KIF6: variants seen among roughly 807,000 people sequenced by gnomAD.
KIF6 encodes kinesin family member 6, also known as kinesin-like protein KIF6.
In KIF6, 106 loss-of-function variants were observed where a neutral mutation model predicts 112.7. That is an observed-to-expected ratio of 0.94 (90% CI 0.80 to 1.11). The LOEUF is 1.11. Among genes scored for constraint, KIF6 ranks in the 50% least tolerant of loss-of-function variants. The pLI is 0.00. For synonymous variants in KIF6, 339 were observed against 339.9 expected, an observed-to-expected ratio of 1.00 and a Z score of 0.03; for missense variants, 929 against 964.0, an observed-to-expected ratio of 0.96 and a Z score of 0.48.
At chr6:39,514,769 T>A (rs1220026047) in intron 13 of KIF6, among the ~76,000 whole-genome samples, 1 of 112,506 alleles carries the variant, frequency 8.9e-6, no homozygotes, top group Admixed American at 9.0e-5. Context: ...ACTCAAGGCT[T>A]TTTTTCCCCC....
chr6:39,681,792 G>A (rs936957875), intron 3 of KIF6, among the ~76,000 whole-genome samples: 1 of 152,100 alleles, frequency 6.6e-6, no homozygotes, highest in African/African-American at 2.4e-5. Flanking sequence ...GACAAATTCC[G>A]CTATAACAAA....
chr6:39,608,681 C>G (rs951555655), intron 6 of KIF6, among the ~76,000 whole-genome samples: 1 of 152,124 alleles, frequency 6.6e-6, no homozygotes, highest in Admixed American at 6.6e-5. Context: ...GGAAAGTAAC[C>G]TCTTTCAAAA....
At chr6:39,375,306 G>A (rs1180651107) in intron 16 of KIF6, among the ~76,000 whole-genome samples, 24 of 152,138 alleles carry the variant, frequency 1.6e-4, no homozygotes, top group Admixed American at 1.6e-3. Flanking sequence ...AACACAAGGA[G>A]TAATAATGGA....
intron 10 of KIF6, among the ~76,000 whole-genome samples, chr6:39,563,855 C>T (rs1780144553): frequency 6.6e-6 from 1 of 152,228 alleles, no homozygotes; most frequent in Non-Finnish European, 1.5e-5. Context: ...CTCAGGGTCT[C>T]ATCGCCTTTT....
At chr6:39,649,937 A>G (rs552891029) in intron 3 of KIF6, among the ~76,000 whole-genome samples, 2 of 152,270 alleles carry the variant, frequency 1.3e-5, no homozygotes, top group South Asian at 4.1e-4. Context: ...TTCTTCTAAA[A>G]CAGTCACTTT....
intron 13 of KIF6, among the ~76,000 whole-genome samples, chr6:39,522,772 T>G (rs1035633407): frequency 3.9e-5 from 6 of 152,224 alleles, no homozygotes; most frequent in Non-Finnish European, 8.8e-5. Flanking sequence ...CTTCTGCCTT[T>G]CACAGTTCTC....
intron 15 of KIF6, among the ~76,000 whole-genome samples, chr6:39,408,626 CCTCT>C (rs143907480): frequency 2.0e-5 from 3 of 148,626 alleles, no homozygotes; most frequent in African/African-American, 4.9e-5. Context: ...TACATAGGTG[CCTCT>C]CTCTCTCTCT....
chr6:39,338,068 C>T (rs1763128496), intron 22 of KIF6, among the ~76,000 whole-genome samples: 1 of 152,186 alleles, frequency 6.6e-6, no homozygotes, highest in Non-Finnish European at 1.5e-5. Context: ...AATGTGAGAA[C>T]TGGTAAGAGT....
chr6:39,444,351 T>G (rs979863586), intron 13 of KIF6, among the ~76,000 whole-genome samples: 3 of 152,192 alleles, frequency 2.0e-5, no homozygotes, highest in Non-Finnish European at 2.9e-5. Flanking sequence ...TACAATGTGA[T>G]GATTTGATGC....
chr6:39,655,872 T>A (rs1384869204), intron 3 of KIF6, among the ~76,000 whole-genome samples: 1 of 152,236 alleles, frequency 6.6e-6, no homozygotes, highest in Non-Finnish European at 1.5e-5. Flanking sequence ...CTACCATCTT[T>A]GTTCTTTTCC....
chr6:39,708,139 C>T (rs943886064), intron 3 of KIF6, among the ~76,000 whole-genome samples: 2 of 152,128 alleles, frequency 1.3e-5, no homozygotes, highest in Admixed American at 6.6e-5. Flanking sequence ...AAGCCTGTTT[C>T]CTAAAGAGCA....
chr6:39,691,935 A>C (rs1263310797), intron 3 of KIF6: 1 of 152,354 alleles, frequency 6.6e-6, no homozygotes, highest in African/African-American at 2.4e-5. Flanking sequence ...ATTTAACAGA[A>C]TACAGGATAC....
chr6:39,367,000 A>C (rs1034515026), intron 16 of KIF6, among the ~76,000 whole-genome samples: 2 of 152,126 alleles, frequency 1.3e-5, no homozygotes, highest in Non-Finnish European at 2.9e-5. Context: ...CTGGGAAAGA[A>C]AGCTGGGGCA....
chr6:39,505,727 A>G (rs1776385060), intron 13 of KIF6, among the ~76,000 whole-genome samples: 2 of 152,266 alleles, frequency 1.3e-5, no homozygotes, highest in Non-Finnish European at 2.9e-5. Context: ...GAAGACATAC[A>G]TGAGGCCAAC....
chr6:39,457,585 G>A (rs1268472777), intron 13 of KIF6, among the ~76,000 whole-genome samples: 1 of 151,860 alleles, frequency 6.6e-6, no homozygotes, highest in African/African-American at 2.4e-5. Flanking sequence ...TCCAGGAGCT[G>A]GTTTTTTGAA....
At chr6:39,606,258 C>A (rs1363848761) in intron 6 of KIF6, among the ~76,000 whole-genome samples, 1 of 150,856 alleles carries the variant, frequency 6.6e-6, no homozygotes, top group African/African-American at 2.4e-5. Flanking sequence ...GTTTGCTTTT[C>A]TTTGTCTTGT....
intron 13 of KIF6, among the ~76,000 whole-genome samples, chr6:39,517,880 T>G (rs986799222): frequency 6.6e-6 from 1 of 152,160 alleles, no homozygotes; most frequent in African/African-American, 2.4e-5. Flanking sequence ...AACAATATCT[T>G]GAGCCTTGGT....
chr6:39,610,753 T>C (rs1488402490), intron 6 of KIF6, among the ~76,000 whole-genome samples: 1 of 152,196 alleles, frequency 6.6e-6, no homozygotes, highest in East Asian at 1.9e-4. Flanking sequence ...ATATATAACA[T>C]GTCTACAACA....
chr6:39,552,152 C>T (rs998353954), intron 10 of KIF6, among the ~76,000 whole-genome samples: 3 of 152,162 alleles, frequency 2.0e-5, no homozygotes, highest in African/African-American at 4.8e-5. Flanking sequence ...GTTCGGAACA[C>T]CAAACAAAGA....
Sources: gnomAD v4.1 joint callset for allele counts (sites outside exome capture counted in the v4.1 genomes callset) on GRCh38, gnomAD v4.1.1 for gene constraint, MANE v1.5 for transcripts, NCBI Gene and HGNC (gene_info 2026-07-23, HGNC 2026-07-21) for gene names.